CPA6: variants seen among roughly 807,000 people sequenced by gnomAD.
The protein encoded by CPA6 is carboxypeptidase B.
A neutral mutation model predicts 63.3 loss-of-function variants in CPA6; 58 were observed. The ratio of observed to expected loss-of-function variants is 0.92; its 90% CI spans 0.74 to 1.14. The LOEUF is 1.14. Among genes scored for constraint, CPA6 ranks in the 50% most tolerant of loss-of-function variants. CPA6 has a pLI of 0.00. For missense variants in CPA6, 565 were observed against 526.6 expected (o/e 1.07, Z -0.71); for synonymous variants, 185 against 179.0 (o/e 1.03, Z -0.27).
In CPA6 at chr8:67,638,907, TGTGCCCTGCCCCTAGG is replaced by T. The variant is rs762279243; in HGVS notation, c.117-14672_117-14657del. On this transcript the variant is annotated intron_variant, in intron 1 of 10. Transcript: ENST00000297770. ...TTTCCTGGGGGACCTTAGCCTGTGA[TGTGCCCTGCCCCTAGG>T]GTCCCAAAACAAATGCAGATCATTT... Among the ~76,000 whole-genome samples the T allele has an allele frequency of 1.4e-3, 208 of 151,632 alleles. 2 individuals are homozygous for T. The highest frequency in any genetic ancestry group is 1.0e-3 in the Non-Finnish European group (71 of 68,032).
At chr8:67,560,383 T>C (rs1363333150) in intron 2 of CPA6, among the ~76,000 whole-genome samples, 2 of 152,154 alleles carry the variant, frequency 1.3e-5, no homozygotes, top group Non-Finnish European at 2.9e-5. Context: ...TATCCTTTAG[T>C]ACACATAGGA....
At chr8:67,678,913 C>T (rs555482498) in intron 1 of CPA6, among the ~76,000 whole-genome samples, 1 of 152,266 alleles carries the variant, frequency 6.6e-6, no homozygotes, top group South Asian at 2.1e-4. Context: ...AAGTCATAGG[C>T]ATATGTGGAC....
chr8:67,660,790 T>G (rs1816092027), intron 1 of CPA6, among the ~76,000 whole-genome samples: 1 of 152,118 alleles, frequency 6.6e-6, no homozygotes, highest in Non-Finnish European at 1.5e-5. Context: ...TTCCAAAGGA[T>G]GTGAATTTTC....
intron 1 of CPA6, among the ~76,000 whole-genome samples, chr8:67,684,001 G>GTGTATATATATATATA (rs1214064613): frequency 1.7e-5 from 2 of 116,976 alleles, no homozygotes; most frequent in African/African-American, 6.3e-5. Flanking sequence ...ATTTTAAAAT[G>GTGTATATATATATATA]TATATATATA....
At chr8:67,517,875 T>G in intron 3 of CPA6, 48 bp downstream of exon 3, 1 of 1,524,130 alleles carries the variant, frequency 6.6e-7, no homozygotes, top group Non-Finnish European at 8.8e-7. Flanking sequence ...ACCATTTGGT[T>G]CAGTTTAGTA....
intron 1 of CPA6, chr8:67,732,525 C>T (rs553002655): frequency 4.5e-4 from 69 of 152,324 alleles, no homozygotes; most frequent in African/African-American, 1.6e-3. Flanking sequence ...TTGCTTATTT[C>T]CTGAAAGATA....
chr8:67,448,557 A>G (rs932257959), intron 8 of CPA6, among the ~76,000 whole-genome samples: 1 of 148,368 alleles, frequency 6.7e-6, no homozygotes, highest in Non-Finnish European at 1.5e-5. Flanking sequence ...ACCTCACCCC[A>G]GAAAGTCGAG....
intron 1 of CPA6, among the ~76,000 whole-genome samples, chr8:67,738,484 A>G (rs1817855171): frequency 6.6e-6 from 1 of 152,198 alleles, no homozygotes; most frequent in Non-Finnish European, 1.5e-5. Context: ...AGAGAAATGG[A>G]TTTGTTTAAG....
At chr8:67,469,109 T>A (rs1342566202) in intron 8 of CPA6, among the ~76,000 whole-genome samples, 1 of 152,242 alleles carries the variant, frequency 6.6e-6, no homozygotes, top group African/African-American at 2.4e-5. Context: ...TATCTATTTC[T>A]ATTATAGTTT....
At chr8:67,469,399 A>C (rs1330168734) in intron 8 of CPA6, among the ~76,000 whole-genome samples, 1 of 152,148 alleles carries the variant, frequency 6.6e-6, no homozygotes, top group Non-Finnish European at 1.5e-5. Context: ...TGAGGTCAGG[A>C]GTTTGAGACC....
intron 1 of CPA6, among the ~76,000 whole-genome samples, chr8:67,694,761 G>A (rs542420269): frequency 2.2e-4 from 33 of 152,312 alleles, no homozygotes; most frequent in African/African-American, 7.2e-4. Flanking sequence ...CAGCTGCAGC[G>A]CTACAGCCCC....
chr8:67,746,180 G>T lies in CPA6; in HGVS notation c.-51C>A, dbSNP rs758163267. Reference sequence around the variant, plus strand: ...GTTACTTAAGCAGCCACCCGAGGCTGGAGGTGGCTCACAGCACCCTCTACA... The same window carrying T: ...GTTACTTAAGCAGCCACCCGAGGCTTGAGGTGGCTCACAGCACCCTCTACA... On this transcript the variant is annotated 5_prime_UTR_variant, in exon 1 of 11. Coordinates refer to ENST00000297770, the MANE Select transcript of CPA6 (RefSeq NM_020361.5). 5.3e-5 allele frequency: 76 copies of T among 1,438,440 alleles called. No individual in the cohort carries two copies. The highest frequency in any genetic ancestry group is 7.0e-5 in the Non-Finnish European group (73 of 1,035,536). The allele number at this position is 1,438,440 out of a possible 1,614,324, so 89.1% of individuals were successfully genotyped here. A position where few individuals can be genotyped will look rare whatever the true frequency, so the allele number is the denominator to read the frequency against.
rs2128961531 is a variant in CPA6, at chr8:67,486,119, C to T, written c.637-1330G>A. Reference sequence around the variant, plus strand: ...CAAATGATTTTTCTTCCTGTATTGTCATAATCATTTGGTGGTTATGATGTG... The same window carrying T: ...CAAATGATTTTTCTTCCTGTATTGTTATAATCATTTGGTGGTTATGATGTG... On this transcript the variant is annotated intron_variant, in intron 6 of 10. Coordinates refer to ENST00000297770, the MANE Select transcript of CPA6 (RefSeq NM_020361.5). Among the ~76,000 whole-genome samples, 3 of 152,296 alleles carry T rather than the reference C, an allele frequency of 2.0e-5. No individual in the cohort carries two copies. In the South Asian group the frequency reaches 6.2e-4, roughly 32 times the overall value.
rs556317568 is a variant in CPA6, at chr8:67,648,613, G to A, written c.117-24362C>T. On this transcript the variant is annotated intron_variant, in intron 1 of 10. Coordinates refer to ENST00000297770, the MANE Select transcript of CPA6 (RefSeq NM_020361.5). ...AAGCCAATACAGGGTCTGCCACATCGGTGAGAAAAATGGGAGTACTAATTT... is the reference window on the plus strand; with the variant it reads ...AAGCCAATACAGGGTCTGCCACATCAGTGAGAAAAATGGGAGTACTAATTT... 8.5e-5 allele frequency among the ~76,000 whole-genome samples: 13 copies of A among 152,210 alleles called. No homozygotes were observed. In the South Asian group the frequency reaches 2.1e-3, roughly 24 times the overall value.
intron 2 of CPA6, among the ~76,000 whole-genome samples, chr8:67,591,362 G>A (rs1311059499): frequency 6.6e-5 from 10 of 152,096 alleles, no homozygotes; most frequent in East Asian, 1.9e-4. Context: ...TTGACTTGGC[G>A]ATGTGGGCTC....
At chr8:67,582,039 T>C (rs1233143487) in intron 2 of CPA6, among the ~76,000 whole-genome samples, 2 of 152,008 alleles carry the variant, frequency 1.3e-5, no homozygotes, top group African/African-American at 4.8e-5. Context: ...CTAAAACATC[T>C]TTGGTTGTGT....
intron 1 of CPA6, among the ~76,000 whole-genome samples, chr8:67,686,331 C>A (rs957293084): frequency 6.6e-6 from 1 of 152,168 alleles, no homozygotes; most frequent in Admixed American, 6.5e-5. Flanking sequence ...TTAATTTTTT[C>A]ATCATATATT....
chr8:67,513,868 T>A (rs1812090361), intron 3 of CPA6, among the ~76,000 whole-genome samples: 1 of 152,122 alleles, frequency 6.6e-6, no homozygotes, highest in Non-Finnish European at 1.5e-5. Context: ...TAATGGTGAC[T>A]AGAACTATTC....
intron 1 of CPA6, among the ~76,000 whole-genome samples, chr8:67,669,677 A>G (rs1347998968): frequency 6.6e-6 from 1 of 152,142 alleles, no homozygotes; most frequent in African/African-American, 2.4e-5. Context: ...TCACTGTGTT[A>G]CAGTAACTTA....
Sources: allele counts gnomAD v4.1 joint callset (sites outside exome capture counted in the v4.1 genomes callset), GRCh38; gene constraint gnomAD v4.1.1; transcripts MANE v1.5; gene names NCBI Gene and HGNC (gene_info 2026-07-23, HGNC 2026-07-21).